Variants in CASP6 observed in about 807,000 individuals in gnomAD.
CASP6 encodes caspase 6.
A neutral mutation model predicts 31.8 loss-of-function variants in CASP6; 20 were observed. The ratio of observed to expected loss-of-function variants is 0.63; its 90% CI spans 0.44 to 0.91. CASP6 has a LOEUF of 0.91. Ranked by LOEUF, CASP6 falls within the 40% of genes least tolerant of loss-of-function variation. The probability of loss-of-function intolerance (pLI) is 0.00; values close to 1 mark genes in which losing one functional copy is unlikely to be tolerated. For synonymous variants in CASP6, 130 were observed against 127.8 expected, an observed-to-expected ratio of 1.02 and a Z score of -0.12; for missense variants, 328 against 361.1, an observed-to-expected ratio of 0.91 and a Z score of 0.74.
intron 1 of CASP6, among the ~76,000 whole-genome samples, chr4:109,702,393 G>T (rs1298205934): frequency 6.6e-6 from 1 of 150,760 alleles, no homozygotes; most frequent in Admixed American, 6.6e-5. Flanking sequence ...GCAGTGGGGC[G>T]ATCTCGGCTC....
chr4:109,685,109 T>A, downstream of CASP6: 4 of 551,502 alleles, frequency 7.3e-6, no homozygotes, highest in South Asian at 1.1e-4. Context: ...TGGCTTATGC[T>A]TACTCTCATG....
chr4:109,674,852 T>A, the CASP6 span, among the ~76,000 whole-genome samples: 10 of 152,260 alleles, frequency 6.6e-5, no homozygotes, highest in Non-Finnish European at 1.2e-4. Flanking sequence ...GAACACTTTT[T>A]AAATGTGTGT....
chr4:109,671,910 G>A, the CASP6 span, among the ~76,000 whole-genome samples: 1 of 152,070 alleles, frequency 6.6e-6, no homozygotes, highest in South Asian at 2.1e-4. Context: ...GTAGCTGTAG[G>A]TATCAGAGGC....
chr4:109,673,773 G>A, the CASP6 span: 1 of 597,306 alleles, frequency 1.7e-6, no homozygotes, highest in Non-Finnish European at 3.0e-6. Flanking sequence ...CTGAAGAAAA[G>A]GAAAAGATCA....
the CASP6 span, among the ~76,000 whole-genome samples, chr4:109,679,295 G>A: frequency 6.6e-6 from 1 of 152,262 alleles, no homozygotes; most frequent in Non-Finnish European, 1.5e-5. Flanking sequence ...GCCAAGGCAG[G>A]CGGCTGGGAG....
intron 1 of CASP6, 116 bp downstream of exon 1, chr4:109,703,240 C>T (rs1351989782): frequency 1.6e-6 from 2 of 1,236,760 alleles, no homozygotes; most frequent in African/African-American, 3.1e-5. Context: ...CCTGCAAAGC[C>T]GAAGGAACCC....
At position 109,690,626 on chromosome 4, in the gene CASP6, G is replaced by T. The variant is rs1267939603; in HGVS notation, c.643+224C>A. Among the ~76,000 whole-genome samples, 5 of 152,022 alleles carry T rather than the reference G, an allele frequency of 3.3e-5. No individual in the cohort carries two copies. In the East Asian group the frequency reaches 5.8e-4, roughly 18 times the overall value. On this transcript the variant is annotated intron_variant, in intron 6 of 6. Transcript: ENST00000265164. ...TAATACTAATATAATTAATTAGACT[G>T]TTGCTTTACTCAACATAACTCTCAG...
chr4:109,669,415 T>C, the CASP6 span, among the ~76,000 whole-genome samples: 2 of 152,084 alleles, frequency 1.3e-5, no homozygotes, highest in Non-Finnish European at 2.9e-5. Flanking sequence ...AGCTAAGGGT[T>C]CCCCCCTTCC....
the CASP6 span, among the ~76,000 whole-genome samples, chr4:109,669,682 T>C: frequency 3.3e-5 from 5 of 151,646 alleles, no homozygotes; most frequent in African/African-American, 4.9e-5. Flanking sequence ...CTAAAGTTCT[T>C]AGATGTTCTG....
At chr4:109,670,083 T>C in the CASP6 span, among the ~76,000 whole-genome samples, 2 of 152,256 alleles carry the variant, frequency 1.3e-5, no homozygotes. Context: ...CTTGTAATTT[T>C]ATGTTAAAAG....
the CASP6 span, among the ~76,000 whole-genome samples, chr4:109,679,260 G>A: frequency 6.6e-6 from 1 of 152,366 alleles, no homozygotes; most frequent in East Asian, 1.9e-4. Context: ...GCCAGGCAGA[G>A]GCTGTAATCT....
upstream of CASP6, among the ~76,000 whole-genome samples, chr4:109,708,183 C>G (rs750906610): frequency 1.3e-5 from 2 of 152,092 alleles, no homozygotes; most frequent in Non-Finnish European, 2.9e-5. Flanking sequence ...CATTAGAGTA[C>G]GAAATCAAAG....
At chr4:109,684,244 A>G (rs1729783544), downstream of CASP6, among the ~76,000 whole-genome samples, 1 of 151,776 alleles carries the variant, frequency 6.6e-6, no homozygotes, top group Non-Finnish European at 1.5e-5. Flanking sequence ...TTGTATTTTT[A>G]GTAGAGACGG....
At chr4:109,668,842 A>G in the CASP6 span, among the ~76,000 whole-genome samples, 2 of 152,106 alleles carry the variant, frequency 1.3e-5, no homozygotes, top group Non-Finnish European at 2.9e-5. Flanking sequence ...AGTTTGCAAT[A>G]TACATTTACA....
chr4:109,691,112 G>C, intron 5 of CASP6, 103 bp from the exon 6 acceptor site: 2 of 1,238,748 alleles, frequency 1.6e-6, no homozygotes, highest in Non-Finnish European at 2.2e-6. Flanking sequence ...CATTACAACA[G>C]AAACCACATT....
chr4:109,698,175 A>T (rs1297061800), intron 2 of CASP6, 125 bp downstream of exon 2: 2 of 983,106 alleles, frequency 2.0e-6, no homozygotes, highest in East Asian at 5.1e-5. Context: ...AGCTCCCCAA[A>T]GGCTAAAACT....
At chr4:109,672,541 G>T in the CASP6 span, among the ~76,000 whole-genome samples, 1 of 152,154 alleles carries the variant, frequency 6.6e-6, no homozygotes, top group Non-Finnish European at 1.5e-5. Context: ...AAATTCATAA[G>T]TCTATGCCTT....
At chr4:109,685,326 G>A (rs753575352), downstream of CASP6, 3 of 1,585,536 alleles carry the variant, frequency 1.9e-6, no homozygotes, top group Non-Finnish European at 2.6e-6. Context: ...ACAGCACTTT[G>A]ATGTGCAGCA....
At chr4:109,694,495 T>C (rs772432029) in intron 5 of CASP6, 30 bp downstream of exon 5, 2 of 1,498,566 alleles carry the variant, frequency 1.3e-6, no homozygotes, top group African/African-American at 2.8e-5. Flanking sequence ...ACAGACTTTA[T>C]AATTAAGATG....
Sources: allele counts gnomAD v4.1 joint callset (sites outside exome capture counted in the v4.1 genomes callset), GRCh38; gene constraint gnomAD v4.1.1; transcripts MANE v1.5; gene names NCBI Gene and HGNC (gene_info 2026-07-23, HGNC 2026-07-21).